The following PCDHGA3 variants were observed in gnomAD, a reference collection of about 807,000 sequenced individuals.
PCDHGA3 encodes protocadherin gamma-A3.
In PCDHGA3, 40 loss-of-function variants were observed where a neutral mutation model predicts 58.5. The ratio of observed to expected loss-of-function variants is 0.68; its 90% CI spans 0.53 to 0.89. The LOEUF (loss-of-function observed/expected upper bound fraction) is 0.89. PCDHGA3 is among the 40% of genes least tolerant of loss of function. The pLI, the probability that PCDHGA3 is intolerant of heterozygous loss-of-function variation, is 0.00. For synonymous variants in PCDHGA3, 530 were observed against 525.7 expected, an observed-to-expected ratio of 1.01 and a Z score of -0.11; for missense variants, 1,223 against 1,195.9, an observed-to-expected ratio of 1.02 and a Z score of -0.33.
chr5:141,388,558 C>T (rs928285766), intron 1 of PCDHGA3: 21 of 1,613,792 alleles, frequency 1.3e-5, no homozygotes, highest in African/African-American at 2.7e-5. Flanking sequence ...CTAAGCAGCA[C>T]TGCACAGATA....
intron 1 of PCDHGA3, chr5:141,468,556 GAT>G (rs754546771): frequency 6.6e-6 from 1 of 151,930 alleles, no homozygotes; most frequent in Non-Finnish European, 1.5e-5. Flanking sequence ...TAACATTTGT[GAT>G]ATAGTAAACA....
At chr5:141,364,803 G>A (rs1763546634) in intron 1 of PCDHGA3, 1 of 1,614,002 alleles carries the variant, frequency 6.2e-7, no homozygotes, top group Non-Finnish European at 8.5e-7. Context: ...CCCTTCGCGC[G>A]GGATGCGGAT....
chr5:141,399,831 TG>T (rs1368149251), intron 1 of PCDHGA3: 1 of 1,613,172 alleles, frequency 6.2e-7, no homozygotes, highest in South Asian at 1.1e-5. Flanking sequence ...CCGACGGCTC[TG>T]CGCTCTTCGA....
chr5:141,415,102 A>G, intron 1 of PCDHGA3: 2 of 1,613,550 alleles, frequency 1.2e-6, no homozygotes, highest in Non-Finnish European at 8.5e-7. Flanking sequence ...AGACGCGCTC[A>G]AGCAAAGCCT....
intron 1 of PCDHGA3, chr5:141,383,563 C>G (rs779788206): frequency 1.5e-5 from 25 of 1,613,034 alleles, no homozygotes; most frequent in East Asian, 2.2e-5. Flanking sequence ...CGACCCGCCC[C>G]GATCCAGCAC....
At chr5:141,439,432 A>C (rs537630916) in intron 1 of PCDHGA3, among the ~76,000 whole-genome samples, 1 of 152,326 alleles carries the variant, frequency 6.6e-6, no homozygotes, top group African/African-American at 2.4e-5. Flanking sequence ...AATTCCCAGG[A>C]ATATTTTATT....
rs1383090266 is a variant in PCDHGA3, at chr5:141,388,828, T to C, written c.2424+42371T>C. 6.2e-7 allele frequency: 1 copy of C among 1,613,894 alleles called. No homozygotes were observed. Among genetic ancestry groups the C allele is most frequent in the South Asian group, 1.1e-5 (1 of 91,070 alleles). ...TTTGAAGAAGTCAAAGAATATTCCA[T>C]AGTTTTGGAAGCAAGGGACGGTGGA... On this transcript the variant is annotated intron_variant, in intron 1 of 3. Coordinates refer to ENST00000253812, the MANE Select transcript of PCDHGA3 (RefSeq NM_018916.4).
intron 1 of PCDHGA3, chr5:141,398,636 A>G (rs770681129): frequency 6.2e-7 from 1 of 1,614,074 alleles, no homozygotes; most frequent in Non-Finnish European, 8.5e-7. Context: ...CTGCAGAAGT[A>G]TAAACTCTCT....
intron 1 of PCDHGA3, among the ~76,000 whole-genome samples, chr5:141,448,931 C>G (rs966398044): frequency 1.3e-5 from 2 of 152,040 alleles, no homozygotes; most frequent in African/African-American, 4.8e-5. Context: ...GGCGACAGAG[C>G]AAGACTGCAA....
intron 1 of PCDHGA3, chr5:141,409,837 C>T (rs182654621): frequency 2.2e-5 from 36 of 1,611,350 alleles, no homozygotes; most frequent in Non-Finnish European, 2.9e-5. Context: ...TCAGCGCCAA[C>T]GTGAGCCTGC....
At chr5:141,360,120 C>T in intron 1 of PCDHGA3, 1 of 1,578,378 alleles carries the variant, frequency 6.3e-7, no homozygotes, top group Non-Finnish European at 8.6e-7. Context: ...GGCAAAGGAG[C>T]AAAGGGAGCC....
At chr5:141,394,557 G>T in intron 1 of PCDHGA3, 1 of 1,614,082 alleles carries the variant, frequency 6.2e-7, no homozygotes, top group South Asian at 1.1e-5. Context: ...GCCCCGCTCC[G>T]CAGAGCGTGG....
chr5:141,345,085 C>G lies in PCDHGA3; in HGVS notation c.1052C>G (p.Ser351Cys), dbSNP rs754754850. The change falls in exon 1 of 4, where the codon TCT becomes TGT. Residue 351 changes from serine (S) to cysteine (C), a missense_variant. Physicochemically the swap from Ser to Cys is moderately radical, Grantham distance 112. Around this residue, in one of 3 missense-constraint regions of PCDHGA3, gnomAD observed 791 missense variants for 708.5 expected, o/e 1.12. Coordinates refer to ENST00000253812, the MANE Select transcript of PCDHGA3 (RefSeq NM_018916.4). ...NDNAPEITIT[S>C]LTSSVPEEGT... is the part of the protein sequence containing the mutation. ...AATGCTCCAGAAATTACAATCACGT[C>G]TCTCACAAGCTCAGTCCCAGAAGAG... is the stretch of plus-strand genomic sequence containing the variant. 1.2e-6 allele frequency: 2 copies of G among 1,613,988 alleles called. No homozygotes were observed. Among genetic ancestry groups the G allele is most frequent in the Admixed American group, 3.3e-5 (2 of 60,028 alleles).
chr5:141,390,103 A>G (rs757288667), intron 1 of PCDHGA3: 2 of 1,613,996 alleles, frequency 1.2e-6, no homozygotes, highest in South Asian at 1.1e-5. Flanking sequence ...GTTCCCCCCA[A>G]CTACAGCGAG....
At chr5:141,472,617 A>G (rs1024856184) in intron 1 of PCDHGA3, among the ~76,000 whole-genome samples, 3 of 152,138 alleles carry the variant, frequency 2.0e-5, no homozygotes, top group African/African-American at 7.2e-5. Flanking sequence ...CAAAGAAGAA[A>G]AAAGATAAAG....
intron 1 of PCDHGA3, chr5:141,426,438 G>A (rs567163831): frequency 4.7e-5 from 14 of 300,110 alleles, no homozygotes; most frequent in Admixed American, 1.7e-4. Context: ...GGAACCTTGC[G>A]GAGGACATGC....
intron 1 of PCDHGA3, among the ~76,000 whole-genome samples, chr5:141,482,089 C>CAA (rs36035257): frequency 1.0e-3 from 137 of 134,516 alleles, no homozygotes; most frequent in African/African-American, 1.5e-3. Context: ...CACTCCATCT[C>CAA]AAAAAAAAAA....
intron 1 of PCDHGA3, chr5:141,384,825 C>G (rs570988671): frequency 6.2e-7 from 1 of 1,613,356 alleles, no homozygotes; most frequent in Non-Finnish European, 8.5e-7. Context: ...AGCAGAGCCT[C>G]GTGGTGGCCG....
chr5:141,503,222 G>C (rs540244346), intron 2 of PCDHGA3, among the ~76,000 whole-genome samples: 1 of 152,120 alleles, frequency 6.6e-6, no homozygotes, highest in Middle Eastern at 3.4e-3. Context: ...CATGAGCACC[G>C]TAAAGATGGA....
Sources: gnomAD v4.1 joint callset for allele counts (sites outside exome capture counted in the v4.1 genomes callset) on GRCh38, gnomAD v4.1.1 for gene constraint, gnomAD v4.1.1 regional missense constraint, MANE v1.5 for transcripts, NCBI Gene and HGNC (gene_info 2026-07-23, HGNC 2026-07-21) for gene names.